GASK1B: variants seen among roughly 807,000 people sequenced by gnomAD.
The protein encoded by GASK1B is golgi associated kinase 1B.
GASK1B carries 34 observed loss-of-function variants against 42.8 expected under a neutral mutation model. That is an observed-to-expected ratio of 0.79 (90% CI 0.60 to 1.06). The LOEUF is 1.06. Ranked by LOEUF, GASK1B falls within the 50% of genes least tolerant of loss-of-function variation. The pLI is 0.00. For missense variants in GASK1B, 686 were observed against 661.0 expected, an observed-to-expected ratio of 1.04 and a Z score of -0.42; for synonymous variants, 262 against 259.1, an observed-to-expected ratio of 1.01 and a Z score of -0.11.
At chr4:158,165,527 T>C (rs954886737) in intron 2 of GASK1B, among the ~76,000 whole-genome samples, 1 of 152,138 alleles carries the variant, frequency 6.6e-6, no homozygotes, top group Non-Finnish European at 1.5e-5. Flanking sequence ...AAAAAACTTG[T>C]AGCAGTGTTC....
intron 2 of GASK1B, among the ~76,000 whole-genome samples, chr4:158,165,646 C>A (rs1405917174): frequency 6.6e-6 from 1 of 152,084 alleles, no homozygotes; most frequent in Non-Finnish European, 1.5e-5. Flanking sequence ...AAATCAGAAA[C>A]CATCATGCTA....
At chr4:158,146,541 A>G (rs72695726) in intron 3 of GASK1B, among the ~76,000 whole-genome samples, 12,476 of 152,216 alleles carry the variant, frequency 0.082, 725 homozygotes, top group Non-Finnish European at 0.11. Flanking sequence ...TCATCTCAAT[A>G]GCTCTCTATA....
At chr4:158,156,598 G>A (rs1178762559) in intron 2 of GASK1B, among the ~76,000 whole-genome samples, 3 of 152,052 alleles carry the variant, frequency 2.0e-5, no homozygotes, top group African/African-American at 7.2e-5. Context: ...AGAATTATGA[G>A]CCCCAGTGAA....
At chr4:158,156,422 TA>T (rs1185117442) in intron 2 of GASK1B, among the ~76,000 whole-genome samples, 2 of 152,342 alleles carry the variant, frequency 1.3e-5, no homozygotes, top group African/African-American at 4.8e-5. Flanking sequence ...GTGCTCTTGG[TA>T]AGGGATCATT....
chr4:158,171,476 G>A lies in GASK1B; in HGVS notation c.-101C>T, dbSNP rs1732536685. 10 of 1,334,458 alleles carry A rather than the reference G, an allele frequency of 7.5e-6. No homozygotes were observed. In the Middle Eastern group the frequency reaches 8.2e-4, roughly 109 times the overall value. The allele number at this position is 1,334,458 out of a possible 1,614,324, so 82.7% of individuals were successfully genotyped here. On this transcript the variant is annotated 5_prime_UTR_variant, in exon 2 of 5. Coordinates refer to ENST00000585682, the MANE Select transcript of GASK1B (RefSeq NM_001128424.2). ...TGACTTCAGCTGCCGCGTCCGCTTC[G>A]GGATATAAGTGGTCTCCAGTGGGCA...
At chr4:158,149,942 T>TTTTTTTTTTTA (rs1731488592) in intron 3 of GASK1B, among the ~76,000 whole-genome samples, 1 of 142,058 alleles carries the variant, frequency 7.0e-6, no homozygotes, top group Non-Finnish European at 1.5e-5. Flanking sequence ...TTTTTTTTTT[T>TTTTTTTTTTTA]GAGACGGAGT....
chr4:158,127,320 A>G lies in GASK1B; in HGVS notation c.*87T>C. The G allele has an allele frequency of 9.0e-7, 1 of 1,109,286 alleles. No homozygotes were observed. Among genetic ancestry groups the G allele is most frequent in the Non-Finnish European group, 1.3e-6 (1 of 754,878 alleles). 68.7% of individuals were successfully genotyped at this position (1,109,286 alleles called of 1,614,324 possible). On this transcript the variant is annotated 3_prime_UTR_variant, in exon 5 of 5. Transcript: ENST00000585682. ...ATTCATCTACACTGCCTCATTGCTA[A>G]ACGGGCTTGAGGTTGATGTGCTTGA...
chr4:158,168,428 G>A (rs1410700354), intron 2 of GASK1B: 1 of 152,154 alleles, frequency 6.6e-6, no homozygotes, highest in Admixed American at 6.5e-5. Context: ...ATGAGACTTG[G>A]AGATTATGTG....
intron 3 of GASK1B, among the ~76,000 whole-genome samples, chr4:158,147,606 GT>G (rs1357138657): frequency 4.5e-4 from 28 of 62,420 alleles, no homozygotes; most frequent in Non-Finnish European, 9.4e-4. Flanking sequence ...CTGTGACTCT[GT>G]CCCAAAAAAA....
chr4:158,133,148 G>T (rs558663925), intron 3 of GASK1B, among the ~76,000 whole-genome samples: 1 of 152,184 alleles, frequency 6.6e-6, no homozygotes, highest in African/African-American at 2.4e-5. Context: ...TTAAGTTAAG[G>T]TCAGAAAGAA....
chr4:158,150,290 T>C (rs966267106), intron 3 of GASK1B, among the ~76,000 whole-genome samples: 5 of 152,130 alleles, frequency 3.3e-5, no homozygotes, highest in African/African-American at 1.2e-4. Context: ...AAGGGCAGAT[T>C]TGTTTCCTGA....
intron 3 of GASK1B, among the ~76,000 whole-genome samples, chr4:158,149,732 C>T (rs780968744): frequency 8.6e-5 from 13 of 151,974 alleles, no homozygotes; most frequent in Admixed American, 4.6e-4. Flanking sequence ...ATCATATTGA[C>T]TTGTTTCATT....
chr4:158,160,823 T>C (rs532490332), intron 2 of GASK1B, among the ~76,000 whole-genome samples: 8 of 152,258 alleles, frequency 5.3e-5, no homozygotes, highest in Non-Finnish European at 1.0e-4. Flanking sequence ...TGGATGAAAC[T>C]GGATGACACT....
chr4:158,131,109 C>A (rs759451550), intron 3 of GASK1B, 97 bp from the exon 4 acceptor site: 23 of 1,013,208 alleles, frequency 2.3e-5, no homozygotes, highest in African/African-American at 3.3e-5. Flanking sequence ...GAATAGCTGA[C>A]TTGCCAGAAT....
intron 2 of GASK1B, chr4:158,168,827 T>G (rs534143019): frequency 6.6e-6 from 1 of 152,176 alleles, no homozygotes; most frequent in Non-Finnish European, 1.5e-5. Context: ...CTTTATGACA[T>G]GAAAATGAAT....
At chr4:158,168,105 G>T (rs1732298890) in intron 2 of GASK1B, among the ~76,000 whole-genome samples, 1 of 152,162 alleles carries the variant, frequency 6.6e-6, no homozygotes, top group African/African-American at 2.4e-5. Flanking sequence ...CTGACTTTGT[G>T]ACTCTAAATG....
At chr4:158,154,273 A>G (rs1186847144) in intron 3 of GASK1B, among the ~76,000 whole-genome samples, 1 of 152,196 alleles carries the variant, frequency 6.6e-6, no homozygotes, top group African/African-American at 2.4e-5. Context: ...AAAAATGTTC[A>G]ACATCATTAA....
chr4:158,167,442 C>T (rs1314248911), intron 2 of GASK1B, among the ~76,000 whole-genome samples: 6 of 152,130 alleles, frequency 3.9e-5, no homozygotes, highest in Admixed American at 1.3e-4. Flanking sequence ...TGAGATCCTC[C>T]AGGAGAAAGC....
intron 2 of GASK1B, among the ~76,000 whole-genome samples, 185 bp from the exon 3 acceptor site, chr4:158,156,010 T>G (rs1342519732): frequency 3.3e-5 from 5 of 152,272 alleles, no homozygotes; most frequent in Non-Finnish European, 5.9e-5. Context: ...GCTTCCTGTT[T>G]GAAGTCTCAT....
Sources: allele counts gnomAD v4.1 joint callset (sites outside exome capture counted in the v4.1 genomes callset), GRCh38; gene constraint gnomAD v4.1.1; transcripts MANE v1.5; gene names NCBI Gene and HGNC (gene_info 2026-07-23, HGNC 2026-07-21).